Variants in SATB1 observed in about 807,000 individuals in gnomAD.
SATB1 encodes SATB homeobox 1.
A neutral mutation model predicts 86.9 loss-of-function variants in SATB1; 11 were observed. The ratio of observed to expected loss-of-function variants is 0.13; its 90% CI spans 0.08 to 0.21. The LOEUF (loss-of-function observed/expected upper bound fraction) is 0.21, where lower values mean the gene tolerates loss of function less well. Among genes scored for constraint, SATB1 ranks in the 10% least tolerant of loss-of-function variants. The pLI, the probability that SATB1 is intolerant of heterozygous loss-of-function variation, is 1.00. For missense variants in SATB1, 551 were observed against 937.6 expected (o/e 0.59, Z 5.39); for synonymous variants, 357 against 357.2 (o/e 1.00, Z 0.01).
Position 18,353,104 on chromosome 3 carries a change from C to G in SATB1, c.1576-909G>C, listed in dbSNP as rs543754776. 1.1e-4 allele frequency: 17 copies of G among 152,364 alleles called. No homozygotes were observed. In the East Asian group the frequency reaches 3.1e-3, roughly 28 times the overall value. 9.4% of individuals were successfully genotyped at this position (152,364 alleles called of 1,614,324 possible). A position where few individuals can be genotyped will look rare whatever the true frequency, so the allele number is the denominator to read the frequency against. ...GACCCCCACCAGCCAAGGCAGCTACCCCTCAGCTGTTCTGCTGCCTGCTAA... is the reference window on the plus strand; with the variant it reads ...GACCCCCACCAGCCAAGGCAGCTACGCCTCAGCTGTTCTGCTGCCTGCTAA... On this transcript the variant is annotated intron_variant, in intron 9 of 10. Transcript: ENST00000338745.
chr3:18,362,881 A>AAAAAAAAAAC (rs373536891), intron 9 of SATB1, among the ~76,000 whole-genome samples: 34 of 108,202 alleles, frequency 3.1e-4, no homozygotes, highest in Non-Finnish European at 3.6e-4. Flanking sequence ...AAAAAAAAAA[A>AAAAAAAAAAC]CCAAAACCCC....
chr3:18,372,315 G>A (rs1411995417), intron 9 of SATB1, among the ~76,000 whole-genome samples: 1 of 152,138 alleles, frequency 6.6e-6, no homozygotes, highest in Non-Finnish European at 1.5e-5. Context: ...GCAGAAATGA[G>A]GCTTAATGAG....
At chr3:18,366,438 C>CATCAATCA (rs141494702) in intron 9 of SATB1, among the ~76,000 whole-genome samples, 93 of 151,248 alleles carry the variant, frequency 6.1e-4, no homozygotes, top group African/African-American at 1.6e-3. Context: ...AAAAAACTTC[C>CATCAATCA]ATCAATCAAT....
At chr3:18,433,251 T>C (rs1190087572) in intron 2 of SATB1, among the ~76,000 whole-genome samples, 1 of 152,204 alleles carries the variant, frequency 6.6e-6, no homozygotes, top group Non-Finnish European at 1.5e-5. Flanking sequence ...AAATAGATTT[T>C]CTCTGTTACA....
At chr3:18,350,768 A>T (rs1694315027) in intron 10 of SATB1, 1 of 153,440 alleles carries the variant, frequency 6.5e-6, no homozygotes, top group African/African-American at 2.4e-5. Context: ...AACTTGTTTT[A>T]TCTTTAATAC....
At position 18,346,646 on chromosome 3, in the gene SATB1, GCTGA is replaced by G. The variant is rs1197418815; in HGVS notation, c.*2520_*2523del. ...TAAAATATCAAATTATCAAAACCAC[GCTGA>G]CTTTTAAAAGTTAAAAAATCTAAGT... is the stretch of plus-strand genomic sequence containing the variant. On this transcript the variant is annotated 3_prime_UTR_variant, in exon 11 of 11. Transcript: ENST00000338745. 1 of 151,468 alleles carries G rather than the reference GCTGA, an allele frequency of 6.6e-6. No homozygotes were observed. The highest frequency in any genetic ancestry group is 1.5e-5 in the Non-Finnish European group (1 of 67,868). 9.4% of individuals were successfully genotyped at this position (151,468 alleles called of 1,614,324 possible).
At chr3:18,390,872 AT>A (rs1696624234) in intron 7 of SATB1, among the ~76,000 whole-genome samples, 1 of 152,186 alleles carries the variant, frequency 6.6e-6, no homozygotes, top group Non-Finnish European at 1.5e-5. Flanking sequence ...TATCAGAACC[AT>A]TAAATAGCAA....
intron 9 of SATB1, among the ~76,000 whole-genome samples, chr3:18,364,073 A>T (rs917734530): frequency 6.6e-6 from 1 of 152,320 alleles, no homozygotes; most frequent in Non-Finnish European, 1.5e-5. Context: ...ATAAACAAAA[A>T]GTAAATGTTT....
At position 18,348,717 on chromosome 3, in the gene SATB1, T is replaced by C. The variant is rs560699572; in HGVS notation, c.*453A>G. 7.5e-5 allele frequency: 12 copies of C among 160,816 alleles called. No individual in the cohort carries two copies. The South Asian group carries it at 2.1e-3, about 28-fold the overall frequency. 10.0% of individuals were successfully genotyped at this position (160,816 alleles called of 1,614,324 possible). ...AGTTCTTTTGTAACATACAATAGAG[T>C]AACAAACTCTTTTTTTTCTTTTTTT... On this transcript the variant is annotated 3_prime_UTR_variant, in exon 11 of 11. Coordinates refer to ENST00000338745, the MANE Select transcript of SATB1 (RefSeq NM_002971.6).
chr3:18,360,614 T>C (rs1389283098), intron 9 of SATB1, among the ~76,000 whole-genome samples: 1 of 152,050 alleles, frequency 6.6e-6, no homozygotes, highest in African/African-American at 2.4e-5. Flanking sequence ...TTATATCTCA[T>C]ATAGGCATTT....
intron 9 of SATB1, among the ~76,000 whole-genome samples, chr3:18,371,145 T>C (rs1695462558): frequency 6.6e-6 from 1 of 152,082 alleles, no homozygotes; most frequent in Non-Finnish European, 1.5e-5. Flanking sequence ...TCCTGAAGCA[T>C]CTTGGTTGAA....
intron 9 of SATB1, among the ~76,000 whole-genome samples, chr3:18,366,149 G>A (rs946241044): frequency 6.6e-6 from 1 of 152,076 alleles, no homozygotes; most frequent in African/African-American, 2.4e-5. Context: ...AGTAAAATGG[G>A]TAAACATTTA....
intron 9 of SATB1, among the ~76,000 whole-genome samples, chr3:18,356,092 T>TA (rs1384094715): frequency 7.3e-5 from 11 of 151,724 alleles, no homozygotes; most frequent in Middle Eastern, 3.4e-3. Flanking sequence ...CCCTATTACT[T>TA]AAAAAAAACT....
chr3:18,430,434 A>C (rs1698850891), intron 2 of SATB1, among the ~76,000 whole-genome samples: 2 of 152,228 alleles, frequency 1.3e-5, no homozygotes, highest in Non-Finnish European at 2.9e-5. Context: ...AATACATTTT[A>C]AGTAATGTGT....
intron 6 of SATB1, among the ~76,000 whole-genome samples, chr3:18,395,272 G>A (rs1465149668): frequency 6.6e-6 from 1 of 152,160 alleles, no homozygotes; most frequent in Admixed American, 6.5e-5. Flanking sequence ...CTAAAAGAAT[G>A]TCATTTGCTT....
intron 9 of SATB1, among the ~76,000 whole-genome samples, chr3:18,355,409 T>A (rs772936252): frequency 1.3e-5 from 2 of 152,072 alleles, no homozygotes; most frequent in Non-Finnish European, 2.9e-5. Flanking sequence ...TTGCAGAAAA[T>A]GACTAAAGAA....
At chr3:18,425,804 T>G (rs954762840), upstream of SATB1, among the ~76,000 whole-genome samples, 1 of 103,850 alleles carries the variant, frequency 9.6e-6, no homozygotes, top group Non-Finnish European at 1.9e-5. Context: ...CAGGGGCAGG[T>G]GTGTGAGTGG....
chr3:18,357,502 C>T (rs1005724723), intron 9 of SATB1, among the ~76,000 whole-genome samples: 6 of 149,560 alleles, frequency 4.0e-5, no homozygotes, highest in Non-Finnish European at 7.4e-5. Flanking sequence ...CTAATGAAGA[C>T]AGTTTTTAAT....
intron 8 of SATB1, among the ~76,000 whole-genome samples, chr3:18,378,763 C>T (rs768026318): frequency 4.6e-5 from 7 of 152,188 alleles, no homozygotes; most frequent in African/African-American, 7.2e-5. Flanking sequence ...CTATTACATA[C>T]TATGGCCTTT....
Sources: allele counts gnomAD v4.1 joint callset (sites outside exome capture counted in the v4.1 genomes callset), GRCh38; gene constraint gnomAD v4.1.1; transcripts MANE v1.5; gene names NCBI Gene and HGNC (gene_info 2026-07-23, HGNC 2026-07-21).